Variants in INHBC observed in about 807,000 individuals in gnomAD.
INHBC encodes the protein inhibin beta C chain.
INHBC carries 10 observed loss-of-function variants against 12.4 expected under a neutral mutation model. That is an observed-to-expected ratio of 0.81 (90% CI 0.50 to 1.37). The LOEUF (loss-of-function observed/expected upper bound fraction) is 1.37, where lower values mean the gene tolerates loss of function less well. Ranked by LOEUF, INHBC falls within the 40% of genes most tolerant of loss-of-function variation. The pLI is 0.00. For missense variants in INHBC, 382 were observed against 439.4 expected, an observed-to-expected ratio of 0.87 and a Z score of 1.17; for synonymous variants, 147 against 171.6, an observed-to-expected ratio of 0.86 and a Z score of 1.12.
At position 57,435,967 on chromosome 12, in the gene INHBC, C is replaced by G. The variant is rs1388658906; in HGVS notation, c.313+768C>G. On this transcript the variant is annotated intron_variant, in intron 1 of 1. Coordinates refer to ENST00000309668, the MANE Select transcript of INHBC (RefSeq NM_005538.4). ...GTTCAAGGAATTCTCCTGCCCCAGC[C>G]TCTTGAGTAGCCAGGATTACAGGTG... is the stretch of plus-strand genomic sequence containing the variant. Among the ~76,000 whole-genome samples the G allele has an allele frequency of 2.6e-5, 4 of 151,758 alleles. No homozygotes were observed. In the East Asian group the frequency reaches 7.8e-4, roughly 30 times the overall value.
intron 1 of INHBC, among the ~76,000 whole-genome samples, chr12:57,444,891 C>T (rs1870543081): frequency 6.6e-6 from 1 of 151,988 alleles, no homozygotes; most frequent in South Asian, 2.1e-4. Context: ...CTATGTTGCC[C>T]AGTCGGTCTC....
chr12:57,436,087 C>T (rs1235288982), intron 1 of INHBC, among the ~76,000 whole-genome samples: 1 of 152,094 alleles, frequency 6.6e-6, no homozygotes, highest in Non-Finnish European at 1.5e-5. Context: ...CCTCGTGATC[C>T]TCCCACCTCA....
intron 1 of INHBC, among the ~76,000 whole-genome samples, chr12:57,443,113 C>CTTTTTTTTTT (rs34935222): frequency 1.4e-5 from 1 of 72,398 alleles, no homozygotes; most frequent in Non-Finnish European, 2.4e-5. Context: ...ATAAAGCACT[C>CTTTTTTTTTT]TTTTTTTTTT....
intron 1 of INHBC, among the ~76,000 whole-genome samples, chr12:57,448,474 C>G (rs1870635742): frequency 6.7e-6 from 1 of 150,060 alleles, no homozygotes; most frequent in African/African-American, 2.5e-5. Context: ...GAGGCTGAGG[C>G]AGAAGAATCA....
chr12:57,443,113 CTTTTT>C (rs34935222), intron 1 of INHBC, among the ~76,000 whole-genome samples: 4 of 72,396 alleles, frequency 5.5e-5, no homozygotes, highest in South Asian at 5.7e-4. Context: ...ATAAAGCACT[CTTTTT>C]TTTTTTTTTT....
At chr12:57,446,982 G>A (rs1481498875) in intron 1 of INHBC, among the ~76,000 whole-genome samples, 1 of 152,192 alleles carries the variant, frequency 6.6e-6, no homozygotes, top group Non-Finnish European at 1.5e-5. Context: ...GATTTGCTTT[G>A]TGGAAGGTGT....
chr12:57,449,777 G>T lies in INHBC; in HGVS notation c.814G>T (p.Ala272Ser). 1 of 1,614,206 alleles carries T rather than the reference G, an allele frequency of 6.2e-7. No homozygotes were observed. Among genetic ancestry groups the T allele is most frequent in the Non-Finnish European group, 8.5e-7 (1 of 1,180,030 alleles). ...HDWIIQPEGY[A>S]MNFCIGQCPL... ...CTGGATCATCCAGCCTGAGGGCTAC[G>T]CCATGAACTTCTGCATAGGGCAGTG... is the stretch of plus-strand genomic sequence containing the variant. Residue 272 changes from alanine to serine, a missense_variant, in exon 2 of 2, where the codon GCC becomes TCC. Coordinates refer to ENST00000309668, the MANE Select transcript of INHBC (RefSeq NM_005538.4).
At chr12:57,436,499 G>A (rs1237231682) in intron 1 of INHBC, among the ~76,000 whole-genome samples, 1 of 126,214 alleles carries the variant, frequency 7.9e-6, no homozygotes, top group Non-Finnish European at 1.6e-5. Context: ...TTTTGAGACA[G>A]AGTCTTCATC....
rs116350967 is a variant in INHBC, at chr12:57,450,228, C to T, written c.*206C>T. ...CTGTGCCATCTTCCTGACCACTACC[C>T]TCTTTCCTAGGGCATAGTCCATCCC... On this transcript the variant is annotated 3_prime_UTR_variant, in exon 2 of 2. Transcript: ENST00000309668. 427 of 491,346 alleles carry T rather than the reference C, an allele frequency of 8.7e-4. 2 individuals carry two copies. The highest frequency in any genetic ancestry group is 7.5e-3 in the African/African-American group (384 of 51,088). The allele number at this position is 491,346 out of a possible 1,614,324, so 30.4% of individuals were successfully genotyped here. A position where few individuals can be genotyped will look rare whatever the true frequency, so the allele number is the denominator to read the frequency against.
At chr12:57,437,615 G>A (rs1335421053) in intron 1 of INHBC, among the ~76,000 whole-genome samples, 1 of 146,480 alleles carries the variant, frequency 6.8e-6, no homozygotes, top group Non-Finnish European at 1.5e-5. Context: ...AGCTAGCAGT[G>A]AGCCGAGATT....
At position 57,450,247 on chromosome 12, in the gene INHBC, C is replaced by T. The variant is rs1388924361; in HGVS notation, c.*225C>T. 8 of 437,836 alleles carry T rather than the reference C, an allele frequency of 1.8e-5. No homozygotes were observed. The highest frequency in any genetic ancestry group is 4.1e-5 in the Admixed American group (1 of 24,586). The allele number at this position is 437,836 out of a possible 1,614,324, so 27.1% of individuals were successfully genotyped here. ...ACTACCCTCTTTCCTAGGGCATAGT[C>T]CATCCCGCTAGTCCATCCCGCTAGC... is the stretch of plus-strand genomic sequence containing the variant. On this transcript the variant is annotated 3_prime_UTR_variant, in exon 2 of 2. Coordinates refer to ENST00000309668, the MANE Select transcript of INHBC (RefSeq NM_005538.4).
intron 1 of INHBC, among the ~76,000 whole-genome samples, chr12:57,439,607 C>A (rs143806278): frequency 6.6e-6 from 1 of 152,280 alleles, no homozygotes; most frequent in East Asian, 1.9e-4. Context: ...TATTAAACTT[C>A]TCTTTAAAAC....
chr12:57,437,443 G>A (rs1042013684), intron 1 of INHBC, among the ~76,000 whole-genome samples: 5 of 151,900 alleles, frequency 3.3e-5, no homozygotes, highest in Admixed American at 6.6e-5. Flanking sequence ...GCCAAGTCGC[G>A]CAGATCACAA....
intron 1 of INHBC, 73 bp from the exon 2 acceptor site, chr12:57,449,204 C>A: frequency 6.6e-7 from 1 of 1,517,566 alleles, no homozygotes. Context: ...CTCAAGAATG[C>A]TGAGTACAGA....
intron 1 of INHBC, among the ~76,000 whole-genome samples, chr12:57,443,862 C>T (rs1447285183): frequency 6.6e-6 from 1 of 152,104 alleles, no homozygotes; most frequent in Non-Finnish European, 1.5e-5. Context: ...GATCTCTGCT[C>T]ACTGCAACCT....
intron 1 of INHBC, among the ~76,000 whole-genome samples, chr12:57,437,077 A>G (rs548959441): frequency 1.4e-4 from 22 of 152,218 alleles, no homozygotes; most frequent in African/African-American, 4.1e-4. Context: ...GATTACAGAC[A>G]TGAGCCACCA....
intron 1 of INHBC, 38 bp from the exon 2 acceptor site, chr12:57,449,239 C>T (rs1373550363): frequency 6.4e-7 from 1 of 1,573,384 alleles, no homozygotes; most frequent in Admixed American, 1.9e-5. Flanking sequence ...AACTGACAGT[C>T]AGAAGGCCGC....
Position 57,434,854 on chromosome 12 carries a change from G to C in INHBC, c.-33G>C, listed in dbSNP as rs754503915. On this transcript the variant is annotated 5_prime_UTR_variant, in exon 1 of 2. Transcript: ENST00000309668. ...CAGCTGTTGAGACCCTGAGCCCTGA[G>C]TCTGTATTGCTCAAGAAGGGCCTTC... is the stretch of plus-strand genomic sequence containing the variant. 6.3e-7 allele frequency: 1 copy of C among 1,576,872 alleles called. No individual in the cohort carries two copies. The highest frequency in any genetic ancestry group is 8.6e-7 in the Non-Finnish European group (1 of 1,157,922).
intron 1 of INHBC, among the ~76,000 whole-genome samples, chr12:57,436,979 C>A (rs1870356073): frequency 2.0e-5 from 3 of 152,038 alleles, no homozygotes; most frequent in Non-Finnish European, 1.5e-5. Flanking sequence ...TATTTTTTTA[C>A]AGAGACAAGA....
Sources: allele counts gnomAD v4.1 joint callset (sites outside exome capture counted in the v4.1 genomes callset), GRCh38; gene constraint gnomAD v4.1.1; transcripts MANE v1.5; gene names NCBI Gene and HGNC (gene_info 2026-07-23, HGNC 2026-07-21).